The following ADAMTS14 variants were observed in gnomAD, a reference collection of about 807,000 sequenced individuals.
The protein encoded by ADAMTS14 is ADAM metallopeptidase with thrombospondin type 1 motif 14, also known as A disintegrin and metalloproteinase with thrombospondin motifs 14.
ADAMTS14 carries 100 observed loss-of-function variants against 128.6 expected under a neutral mutation model. The ratio of observed to expected loss-of-function variants is 0.78; its 90% CI spans 0.66 to 0.92. The LOEUF is 0.92. Ranked by LOEUF, ADAMTS14 falls within the 40% of genes least tolerant of loss-of-function variation. The pLI is 0.00. For missense variants in ADAMTS14, 1,562 were observed against 1,658.6 expected (o/e 0.94, Z 1.01); for synonymous variants, 665 against 653.8 (o/e 1.02, Z -0.26).
rs868313542 is a variant in ADAMTS14, at chr10:70,736,731, C to T, written c.1537C>T (p.Pro513Ser). Residue 513 changes from proline to serine, a missense_variant, in exon 10 of 22, where the codon CCG (proline) becomes TCG (serine). Coordinates refer to ENST00000373207, the MANE Select transcript of ADAMTS14 (RefSeq NM_080722.4). Reference protein sequence around the residue: ...KQLWCSHPDNPYFCKTKKGPP... With the variant: ...KQLWCSHPDNSYFCKTKKGPP... ...GCTGTGGTGCAGCCATCCTGACAAC[C>T]CGTACTTCTGCAAGACCAAGAAGGG... 1 of 1,613,870 alleles carries T rather than the reference C, an allele frequency of 6.2e-7. No individual in the cohort carries two copies. Among genetic ancestry groups the T allele is most frequent in the Non-Finnish European group, 8.5e-7 (1 of 1,179,852 alleles).
chr10:70,684,215 C>G (rs1417682050), intron 2 of ADAMTS14, among the ~76,000 whole-genome samples: 2 of 151,942 alleles, frequency 1.3e-5, no homozygotes. Context: ...GTAACAGTGC[C>G]AAGAAGATAG....
At chr10:70,755,388 T>G (rs906205312) in intron 19 of ADAMTS14, among the ~76,000 whole-genome samples, 3 of 151,778 alleles carry the variant, frequency 2.0e-5, no homozygotes, top group Non-Finnish European at 4.4e-5. Context: ...TGAGGGCACT[T>G]TGCTGGTGAT....
intron 19 of ADAMTS14, among the ~76,000 whole-genome samples, chr10:70,756,344 A>G (rs1452035739): frequency 6.6e-6 from 1 of 152,206 alleles, no homozygotes; most frequent in Non-Finnish European, 1.5e-5. Context: ...TGCATTTTAT[A>G]TGTCTCCATA....
intron 2 of ADAMTS14, among the ~76,000 whole-genome samples, chr10:70,682,388 G>A (rs1839837232): frequency 6.6e-6 from 1 of 152,228 alleles, no homozygotes; most frequent in Admixed American, 6.5e-5. Flanking sequence ...CAGCAAGGCT[G>A]TTAGCTGGAG....
At chr10:70,679,203 C>T (rs1839730738) in intron 2 of ADAMTS14, among the ~76,000 whole-genome samples, 1 of 152,024 alleles carries the variant, frequency 6.6e-6, no homozygotes, top group Non-Finnish European at 1.5e-5. Context: ...ACATTATAAA[C>T]ATGAAAGATA....
chr10:70,756,627 A>G (rs1842484918), intron 19 of ADAMTS14, among the ~76,000 whole-genome samples: 1 of 152,212 alleles, frequency 6.6e-6, no homozygotes, highest in Admixed American at 6.5e-5. Flanking sequence ...TGTGTTGAAC[A>G]CCAACTCATT....
intron 4 of ADAMTS14, among the ~76,000 whole-genome samples, chr10:70,709,349 G>C (rs1589284814): frequency 6.6e-6 from 1 of 152,180 alleles, no homozygotes; most frequent in East Asian, 1.9e-4. Context: ...CTTAGCTGCT[G>C]CCTGTGGCTG....
chr10:70,697,921 C>T (rs189985015), intron 2 of ADAMTS14, among the ~76,000 whole-genome samples: 3 of 152,202 alleles, frequency 2.0e-5, no homozygotes, highest in Non-Finnish European at 4.4e-5. Context: ...CATCTTCCAC[C>T]CTCACCATCA....
chr10:70,685,255 C>T (rs1839921670), intron 2 of ADAMTS14, among the ~76,000 whole-genome samples: 1 of 152,184 alleles, frequency 6.6e-6, no homozygotes, highest in Non-Finnish European at 1.5e-5. Context: ...GTGGAAAGTT[C>T]CCAAACCATC....
intron 5 of ADAMTS14, 25 bp downstream of exon 5, chr10:70,729,402 G>A (rs750470451): frequency 1.3e-6 from 2 of 1,596,518 alleles, no homozygotes; most frequent in Non-Finnish European, 1.7e-6. Flanking sequence ...CAGCAGGCAG[G>A]GTTTGCGGGG....
At chr10:70,744,608 G>A (rs1271019022) in intron 14 of ADAMTS14, among the ~76,000 whole-genome samples, 1 of 151,906 alleles carries the variant, frequency 6.6e-6, no homozygotes, top group African/African-American at 2.4e-5. Flanking sequence ...TGAATTCCTG[G>A]TATCTTTGAG....
rs947789766 is a variant in ADAMTS14 at position 70,708,763 on chromosome 10, C to T, written c.855C>T (p.Leu285=). The T allele has an allele frequency of 1.6e-5, 25 of 1,605,344 alleles. No homozygotes were observed. The Admixed American group carries it at 3.5e-4, about 23-fold the overall frequency. The part of the protein sequence containing the change: ...HGKEHVQNYV[L]TLMNIVDEIY... ...AGGAGCATGTGCAGAACTATGTCCTCACCCTCATGAATATCGTGAGTGTCC... is the reference window on the plus strand; with the variant it reads ...AGGAGCATGTGCAGAACTATGTCCTTACCCTCATGAATATCGTGAGTGTCC... Residue 285 remains leucine, a synonymous_variant, in exon 4 of 22, where the codon CTC becomes CTT. Transcript: ENST00000373207.
At chr10:70,691,038 G>A (rs999190203) in intron 2 of ADAMTS14, among the ~76,000 whole-genome samples, 2 of 145,192 alleles carry the variant, frequency 1.4e-5, no homozygotes, top group East Asian at 3.9e-4. Context: ...GTGGCTGCTG[G>A]CCTGGCAAGA....
In ADAMTS14 at chr10:70,760,441, G is replaced by A. The variant is rs768505390; in HGVS notation, c.3260G>A (p.Arg1087Gln). Residue 1087 changes from arginine (R) to glutamine (Q), a missense_variant, in exon 22 of 22, where the codon CGG becomes CAG. Physicochemically the swap from Arg to Gln is conservative, Grantham distance 43. Coordinates refer to ENST00000373207, the MANE Select transcript of ADAMTS14 (RefSeq NM_080722.4). ...TACTGCTCCATTCCCGGCTACCACC[G>A]GCTCTGCTGTGTGTCCTGCATCAAG... is the stretch of plus-strand genomic sequence containing the variant. Reference protein sequence around the residue: ...DRYCSIPGYHRLCCVSCIKKA... With the variant: ...DRYCSIPGYHQLCCVSCIKKA... 16 of 1,613,320 alleles carry A rather than the reference G, an allele frequency of 9.9e-6. No homozygotes were observed. The highest frequency in any genetic ancestry group is 6.7e-5 in the Admixed American group (4 of 59,958).
At chr10:70,718,706 G>A (rs900379744) in intron 4 of ADAMTS14, among the ~76,000 whole-genome samples, 86 of 146,540 alleles carry the variant, frequency 5.9e-4, no homozygotes, top group Admixed American at 8.2e-4. Context: ...TTTAAAGACA[G>A]TGTCTTGCTT....
intron 2 of ADAMTS14, among the ~76,000 whole-genome samples, chr10:70,678,863 C>T (rs1310253105): frequency 6.6e-6 from 1 of 152,140 alleles, no homozygotes; most frequent in African/African-American, 2.4e-5. Flanking sequence ...AGTTTGGAGC[C>T]AGGCCCCTGT....
rs1299684331 is a variant in ADAMTS14, at chr10:70,755,135, G to A, written c.2937+1128G>A. ...AGCCTGGGCAACAGAGCAAGACCTC[G>A]CCTCTACAAAAAATGTAAAAAGTTA... On this transcript the variant is annotated intron_variant, in intron 19 of 21. Coordinates refer to ENST00000373207, the MANE Select transcript of ADAMTS14 (RefSeq NM_080722.4). Among the ~76,000 whole-genome samples the A allele has an allele frequency of 3.3e-5, 5 of 151,812 alleles. No homozygotes were observed. In the East Asian group the frequency reaches 9.7e-4, roughly 29 times the overall value.
intron 2 of ADAMTS14, among the ~76,000 whole-genome samples, chr10:70,679,274 G>C (rs1279137320): frequency 6.6e-6 from 1 of 152,168 alleles, no homozygotes; most frequent in Non-Finnish European, 1.5e-5. Flanking sequence ...GGATGTCCAG[G>C]GGCAGGAAAT....
chr10:70,693,689 T>C (rs1053178091), intron 2 of ADAMTS14, among the ~76,000 whole-genome samples: 3 of 152,142 alleles, frequency 2.0e-5, no homozygotes, highest in Admixed American at 2.0e-4. Context: ...CCACATTGCT[T>C]CTCCACTGAG....
Sources: allele counts gnomAD v4.1 joint callset (sites outside exome capture counted in the v4.1 genomes callset), GRCh38; gene constraint gnomAD v4.1.1; transcripts MANE v1.5; gene names NCBI Gene and HGNC (gene_info 2026-07-23, HGNC 2026-07-21).